STAG1: variants seen among roughly 807,000 people sequenced by gnomAD.
STAG1 encodes the protein STAG1 cohesin complex component, also known as cohesin subunit SA-1.
STAG1 carries 26 observed loss-of-function variants against 170.9 expected under a neutral mutation model. The ratio of observed to expected loss-of-function variants is 0.15; its 90% CI spans 0.11 to 0.21. The LOEUF is 0.21. STAG1 is among the 10% of genes least tolerant of loss of function. STAG1 has a pLI of 1.00. For synonymous variants in STAG1, 514 were observed against 497.7 expected (o/e 1.03, Z -0.44); for missense variants, 964 against 1,509.5 (o/e 0.64, Z 5.99).
intron 17 of STAG1, 41 bp from the exon 18 acceptor site, chr3:136,422,898 T>C (rs778945886): frequency 3.8e-6 from 6 of 1,591,848 alleles, no homozygotes; most frequent in South Asian, 2.3e-5. Flanking sequence ...ACTACTTTAA[T>C]AGTACAATGA....
At position 136,630,990 on chromosome 3, in the gene STAG1, TA is replaced by T. The variant is rs935045575; in HGVS notation, c.-83-10del. 32 of 1,195,194 alleles carry T rather than the reference TA, an allele frequency of 2.7e-5. No homozygotes were observed. The highest frequency in any genetic ancestry group is 3.1e-5 in the Non-Finnish European group (27 of 858,678). 74.0% of individuals were successfully genotyped at this position (1,195,194 alleles called of 1,614,324 possible). ...TAACCTCAAAGGCAATCCTGTCAAT[TA>T]AAAAAAAGAAATTATTTTAAAATAA... is the stretch of plus-strand genomic sequence containing the variant. On this transcript the variant is annotated splice_polypyrimidine_tract_variant and intron_variant, in intron 1 of 33. Coordinates refer to ENST00000383202, the MANE Select transcript of STAG1 (RefSeq NM_005862.3).
rs550977555 is a variant in STAG1 at position 136,514,751 on chromosome 3, C to T, written c.676+6462G>A. ...GCAGCCATAAAAAAGGATGAGTTCA[C>T]GTCCTTTGCAGGGGCATGGATGCAG... is the stretch of plus-strand genomic sequence containing the variant. On this transcript the variant is annotated intron_variant, in intron 7 of 33. Coordinates refer to ENST00000383202, the MANE Select transcript of STAG1 (RefSeq NM_005862.3). Among the ~76,000 whole-genome samples the T allele has an allele frequency of 4.1e-4, 62 of 152,254 alleles. No individual in the cohort carries two copies. The East Asian group carries it at 0.011, about 27-fold the overall frequency.
chr3:136,529,741 T>C (rs749774846), intron 6 of STAG1, among the ~76,000 whole-genome samples: 3 of 151,472 alleles, frequency 2.0e-5, no homozygotes, highest in Non-Finnish European at 4.4e-5. Flanking sequence ...AACACACATA[T>C]GAGGAAGATA....
At chr3:136,429,464 G>A (rs1384382815) in intron 16 of STAG1, among the ~76,000 whole-genome samples, 1 of 152,132 alleles carries the variant, frequency 6.6e-6, no homozygotes, top group African/African-American at 2.4e-5. Flanking sequence ...ATGGAGATGA[G>A]TGCTTCTGAA....
chr3:136,719,427 T>G (rs921868097), intron 1 of STAG1, among the ~76,000 whole-genome samples: 1 of 152,080 alleles, frequency 6.6e-6, no homozygotes, highest in Admixed American at 6.6e-5. Context: ...AATTAGGTAG[T>G]GTTGGCTACA....
At chr3:136,495,924 G>A (rs1354208673) in intron 9 of STAG1, among the ~76,000 whole-genome samples, 3 of 147,730 alleles carry the variant, frequency 2.0e-5, no homozygotes, top group Non-Finnish European at 4.4e-5. Context: ...AGCAGAGACC[G>A]TGCACCACTG....
At chr3:136,390,020 A>T (rs1329971459) in intron 22 of STAG1, among the ~76,000 whole-genome samples, 2 of 151,780 alleles carry the variant, frequency 1.3e-5, no homozygotes, top group African/African-American at 4.8e-5. Context: ...TTTGGTAGAG[A>T]TGGGGTTTCA....
intron 13 of STAG1, among the ~76,000 whole-genome samples, chr3:136,452,608 G>C (rs546623117): frequency 4.9e-4 from 74 of 151,654 alleles, no homozygotes; most frequent in Non-Finnish European, 3.2e-4. Flanking sequence ...ATAGAAATAT[G>C]TAACTGATGT....
intron 4 of STAG1, among the ~76,000 whole-genome samples, chr3:136,574,974 C>A (rs1027953283): frequency 1.3e-5 from 2 of 152,082 alleles, no homozygotes; most frequent in Non-Finnish European, 2.9e-5. Flanking sequence ...CTTGCAATAA[C>A]AGATTTAAAA....
At chr3:136,623,296 C>A in intron 2 of STAG1, 48 bp from the exon 3 acceptor site, 1 of 1,552,236 alleles carries the variant, frequency 6.4e-7, no homozygotes, top group Non-Finnish European at 8.8e-7. Flanking sequence ...AAGTATAATG[C>A]ATTTCTGTTT....
intron 14 of STAG1, among the ~76,000 whole-genome samples, chr3:136,447,209 G>A (rs1264066252): frequency 1.3e-5 from 2 of 151,952 alleles, no homozygotes; most frequent in African/African-American, 2.4e-5. Flanking sequence ...GACTGGCTGG[G>A]CGTGGTGGCT....
rs951011605 is a variant in STAG1 at position 136,341,492 on chromosome 3, T to A, written c.3506A>T (p.Asp1169Val). Residue 1169 changes from aspartate (D) to valine (V), a missense_variant, in exon 31 of 34, where the codon GAC (aspartate) becomes GTC (valine). Coordinates refer to ENST00000383202, the MANE Select transcript of STAG1 (RefSeq NM_005862.3). ...TTTCATGTAGTTCATTCCTGTTCTG[T>A]CCTTCCGATTTAAGTCTTCTAACTT... ...QPKLEDLNRKDRTGMNYMKVR... is the reference protein window; with the variant it reads ...QPKLEDLNRKVRTGMNYMKVR... 6.2e-7 allele frequency: 1 copy of A among 1,614,026 alleles called. No individual in the cohort carries two copies. The highest frequency in any genetic ancestry group is 8.5e-7 in the Non-Finnish European group (1 of 1,179,986).
intron 3 of STAG1, among the ~76,000 whole-genome samples, chr3:136,611,879 G>A (rs6789541): frequency 0.36 from 54,501 of 150,410 alleles, 10,870 homozygotes; most frequent in African/African-American, 0.52. Flanking sequence ...ACAGAGTCTC[G>A]CTCTGTCGCC....
At chr3:136,484,950 G>A (rs562563048) in intron 9 of STAG1, among the ~76,000 whole-genome samples, 101 of 152,010 alleles carry the variant, frequency 6.6e-4, no homozygotes, top group African/African-American at 2.3e-3. Flanking sequence ...CACGGTGCGC[G>A]CACACACTGG....
chr3:136,597,155 A>T (rs1450540978), intron 4 of STAG1, among the ~76,000 whole-genome samples: 1 of 152,132 alleles, frequency 6.6e-6, no homozygotes, highest in Non-Finnish European at 1.5e-5. Flanking sequence ...TGGGATTTTT[A>T]TTTTTTTGTT....
At chr3:136,670,415 A>G (rs1559941463) in intron 1 of STAG1, among the ~76,000 whole-genome samples, 1 of 152,216 alleles carries the variant, frequency 6.6e-6, no homozygotes, top group Non-Finnish European at 1.5e-5. Context: ...AGAAAGTACA[A>G]TCATTTTATA....
intron 5 of STAG1, among the ~76,000 whole-genome samples, chr3:136,550,921 A>G (rs1017606915): frequency 6.6e-6 from 1 of 152,112 alleles, no homozygotes; most frequent in Non-Finnish European, 1.5e-5. Flanking sequence ...GTAAAGAGAG[A>G]AATTGCCATC....
chr3:136,547,406 G>T (rs1210046208), intron 5 of STAG1, among the ~76,000 whole-genome samples: 2 of 152,134 alleles, frequency 1.3e-5, no homozygotes, highest in Non-Finnish European at 2.9e-5. Flanking sequence ...TCTACACTGT[G>T]ACACTTTCTC....
At chr3:136,551,208 TGAGA>T (rs57609965) in intron 5 of STAG1, among the ~76,000 whole-genome samples, 4,663 of 44,388 alleles carry the variant, frequency 0.11, 257 homozygotes, top group East Asian at 0.12. Context: ...TGAGAGAGAG[TGAGA>T]GAGAGAGAGA....
Sources: gnomAD v4.1 joint callset for allele counts (sites outside exome capture counted in the v4.1 genomes callset) on GRCh38, gnomAD v4.1.1 for gene constraint, MANE v1.5 for transcripts, NCBI Gene and HGNC (gene_info 2026-07-23, HGNC 2026-07-21) for gene names.